ZNF608: variants seen among roughly 807,000 people sequenced by gnomAD.
The protein encoded by ZNF608 is renal carcinoma antigen NY-REN-36.
Under a neutral mutation model 109.0 loss-of-function variants are expected in ZNF608, and 12 were observed. That is an observed-to-expected ratio of 0.11 (90% CI 0.07 to 0.18). The LOEUF (loss-of-function observed/expected upper bound fraction) is 0.18, where lower values mean the gene tolerates loss of function less well. Ranked by LOEUF, ZNF608 falls within the 10% of genes least tolerant of loss-of-function variation. The pLI is 1.00. For missense variants in ZNF608, 1,707 were observed against 1,879.3 expected (o/e 0.91, Z 1.70); for synonymous variants, 732 against 717.4 (o/e 1.02, Z -0.33).
At chr5:124,745,985 G>A (rs1749625736) in intron 1 of ZNF608, 1 of 213,558 alleles carries the variant, frequency 4.7e-6, no homozygotes, top group Non-Finnish European at 8.0e-6. Flanking sequence ...CTTAAATACG[G>A]TGCTACTGAC....
In ZNF608 at chr5:124,744,412, C is replaced by T. The variant is rs752465130; in HGVS notation, c.578G>A (p.Gly193Asp). 6.2e-7 allele frequency: 1 copy of T among 1,614,242 alleles called. No homozygotes were observed. Among genetic ancestry groups the T allele is most frequent in the Non-Finnish European group, 8.5e-7 (1 of 1,180,042 alleles). ...SCGKSKEEKP[G>D]KSQSSRGAKR... ...GGCGCCTCGGCTGCTCTGGCTTTTA[C>T]CTGGCTTCTCCTCTTTGCTTTTCCC... Residue 193 changes from glycine (G) to aspartate (D), a missense_variant, in exon 2 of 10, where the codon GGT becomes GAT. Around this residue, in one of 7 missense-constraint regions of ZNF608, gnomAD observed 407 missense variants for 398.7 expected, o/e 1.02. Transcript: ENST00000513986. This position sits in a 1 kb window ranked among gnomAD's most constrained non-coding sequence, Gnocchi z 4.5.
intron 2 of ZNF608, among the ~76,000 whole-genome samples, chr5:124,716,640 G>C (rs1231067674): frequency 6.6e-6 from 1 of 152,184 alleles, no homozygotes; most frequent in Non-Finnish European, 1.5e-5. Context: ...GGGTAGGATA[G>C]GTGAAATTTT....
chr5:124,665,957 A>G (rs1280255002), intron 3 of ZNF608, among the ~76,000 whole-genome samples: 5 of 152,264 alleles, frequency 3.3e-5, no homozygotes, highest in African/African-American at 9.6e-5. Flanking sequence ...GATAAAGGCA[A>G]TAAAGAAAAC....
At chr5:124,746,018 A>T in intron 1 of ZNF608, 177 bp downstream of exon 1, 1 of 484,754 alleles carries the variant, frequency 2.1e-6, no homozygotes, top group Non-Finnish European at 2.7e-6. Flanking sequence ...TGATTAAGAC[A>T]TACACTTTAA....
intron 2 of ZNF608, among the ~76,000 whole-genome samples, chr5:124,702,432 T>TCATAGATGCCCAGTTATC (rs11274163): frequency 6.6e-6 from 1 of 151,844 alleles, no homozygotes; most frequent in Non-Finnish European, 1.5e-5. Context: ...ATTCTGCTGT[T>TCATAGATGCCCAGTTATC]CACTGTAAGT....
intron 2 of ZNF608, among the ~76,000 whole-genome samples, chr5:124,736,618 T>C (rs1406400375): frequency 2.0e-5 from 3 of 150,988 alleles, no homozygotes; most frequent in African/African-American, 7.3e-5. Context: ...ATGGGGAAAA[T>C]TTTCTAACCT....
chr5:124,655,166 A>G (rs1221702556), intron 3 of ZNF608, among the ~76,000 whole-genome samples: 3 of 152,116 alleles, frequency 2.0e-5, no homozygotes, highest in Admixed American at 6.5e-5. Flanking sequence ...ATAATCTCCC[A>G]CTAGTTTTAT....
At chr5:124,748,440 A>T, upstream of ZNF608, 1 of 667,658 alleles carries the variant, frequency 1.5e-6, no homozygotes, top group Non-Finnish European at 1.9e-6. Context: ...CCCTGTAACT[A>T]GTTCCTCATT....
chr5:124,738,476 A>G (rs1180022526), intron 2 of ZNF608, among the ~76,000 whole-genome samples: 1 of 152,224 alleles, frequency 6.6e-6, no homozygotes, highest in Non-Finnish European at 1.5e-5. Context: ...AGTAATTACT[A>G]TGAAAAACTT....
At position 124,648,716 on chromosome 5, in the gene ZNF608, G is replaced by A. The variant is rs1750651954; in HGVS notation, c.1668C>T (p.Pro556=). 1.2e-6 allele frequency: 2 copies of A among 1,614,198 alleles called. No homozygotes were observed. The highest frequency in any genetic ancestry group is 1.7e-6 in the Non-Finnish European group (2 of 1,180,040). The change falls in exon 5 of 10, where the codon CCC becomes CCT. Residue 556 remains proline (P), a synonymous_variant. Transcript: ENST00000513986. ...TGTACTTTTTGTTGCAGTTTGGGTGGGGACAGTCGATTAACACTGGAGAAG... is the reference window on the plus strand; with the variant it reads ...TGTACTTTTTGTTGCAGTTTGGGTGAGGACAGTCGATTAACACTGGAGAAG... The part of the protein sequence containing the change: ...GCSSPVLIDC[P]HPNCNKKYKH...
Position 124,648,338 on chromosome 5 carries a change from C to G in ZNF608, c.2046G>C (p.Ala682=). 1 of 1,614,212 alleles carries G rather than the reference C, an allele frequency of 6.2e-7. No individual in the cohort carries two copies. The highest frequency in any genetic ancestry group is 8.5e-7 in the Non-Finnish European group (1 of 1,180,040). Residue 682 remains alanine (A), a synonymous_variant, in exon 5 of 10, where the codon GCG becomes GCC. Coordinates refer to ENST00000513986, the MANE Select transcript of ZNF608 (RefSeq NM_020747.3). ...CGTCTGCTGCCGAGCAACTGTCTAA[C>G]GCAGCCGTCATGTTGGAGATTACTG... is the stretch of plus-strand genomic sequence containing the variant. ...NLPVISNMTA[A]LDSCSAADGS...
chr5:124,643,644 C>T lies in ZNF608; in HGVS notation c.4163G>A (p.Gly1388Glu). The T allele has an allele frequency of 1.9e-6, 3 of 1,614,094 alleles. No individual in the cohort carries two copies. The highest frequency in any genetic ancestry group is 4.5e-5 in the East Asian group (2 of 44,886). ...TGTCTCTTCTCTCCCTGACATCTTC[C>T]CATAAACAGGATAATGAAATCCTGG... is the stretch of plus-strand genomic sequence containing the variant. ...LSPGFHYPVY[G>E]KMSGREETEK... The change falls in exon 7 of 10, where the codon GGG becomes GAG. Residue 1388 changes from glycine (G) to glutamate (E), a missense_variant. Gly to Glu is a moderately conservative substitution (Grantham distance 98, BLOSUM62 -2). Coordinates refer to ENST00000513986, the MANE Select transcript of ZNF608 (RefSeq NM_020747.3).
chr5:124,711,036 G>A (rs1012916707), intron 2 of ZNF608, among the ~76,000 whole-genome samples: 4 of 152,100 alleles, frequency 2.6e-5, no homozygotes, highest in Non-Finnish European at 4.4e-5. Context: ...TCAGGGTCAG[G>A]AGCAAAAACA....
At chr5:124,739,687 T>C (rs1484595131) in intron 2 of ZNF608, among the ~76,000 whole-genome samples, 1 of 152,232 alleles carries the variant, frequency 6.6e-6, no homozygotes, top group African/African-American at 2.4e-5. Context: ...GTGTTGCTCA[T>C]ATTACTGCAA....
At position 124,639,204 on chromosome 5, in the gene ZNF608, A is replaced by G. The variant is rs1176313349; in HGVS notation, c.4461T>C (p.Ser1487=). 1 of 1,614,246 alleles carries G rather than the reference A, an allele frequency of 6.2e-7. No homozygotes were observed. Among genetic ancestry groups the G allele is most frequent in the Non-Finnish European group, 8.5e-7 (1 of 1,180,032 alleles). ...GQYDPFQGLT[S]AALVASQQVA... ...CCTGCTGAGAGGCAACAAGGGCAGCAGAGGTCAAGCCTAATGGGGAAAAAA... is the reference window on the plus strand; with the variant it reads ...CCTGCTGAGAGGCAACAAGGGCAGCGGAGGTCAAGCCTAATGGGGAAAAAA... The change falls in exon 9 of 10, where the codon TCT becomes TCC. Residue 1487 remains serine (S), a synonymous_variant. Transcript: ENST00000513986.
intron 8 of ZNF608, among the ~76,000 whole-genome samples, chr5:124,640,546 A>G (rs559122804): frequency 1.3e-5 from 2 of 152,334 alleles, no homozygotes; most frequent in East Asian, 3.9e-4. Context: ...AGCCTCCAGA[A>G]CTGTGAGAAA....
intron 2 of ZNF608, among the ~76,000 whole-genome samples, chr5:124,720,686 T>C (rs184885763): frequency 6.6e-6 from 1 of 152,304 alleles, no homozygotes; most frequent in East Asian, 1.9e-4. Flanking sequence ...GAATGACCTA[T>C]GATTAAAGTG....
In ZNF608 at chr5:124,641,375, G is replaced by T. The variant is rs1443967204; in HGVS notation, c.4327C>A (p.Arg1443=). The T allele has an allele frequency of 6.8e-6, 11 of 1,613,766 alleles. No individual in the cohort carries two copies. Among genetic ancestry groups the T allele is most frequent in the Non-Finnish European group, 9.3e-6 (11 of 1,179,948 alleles). ...CGATCCCTTTCCCTTTCTGCCTCCC[G>T]TTCCCGCTCAGCTGTAGCCTTTTCC... The part of the protein sequence containing the change: ...PVEKATAERE[R]EAERERDRHS... The change falls in exon 8 of 10, where the codon CGG becomes AGG. Residue 1443 remains arginine (R), a synonymous_variant. Coordinates refer to ENST00000513986, the MANE Select transcript of ZNF608 (RefSeq NM_020747.3).
chr5:124,723,989 T>C (rs1204138761), intron 2 of ZNF608, among the ~76,000 whole-genome samples: 1 of 152,124 alleles, frequency 6.6e-6, no homozygotes, highest in East Asian at 1.9e-4. Context: ...TAGATTACTA[T>C]CAGATTAGCA....
Sources: gnomAD v4.1 joint callset for allele counts (sites outside exome capture counted in the v4.1 genomes callset) on GRCh38, gnomAD v4.1.1 for gene constraint, gnomAD v4.1.1 regional missense constraint, Gnocchi (gnomAD v3.1) non-coding constraint, MANE v1.5 for transcripts, NCBI Gene and HGNC (gene_info 2026-07-23, HGNC 2026-07-21) for gene names.